RNF180: variants seen among roughly 807,000 people sequenced by gnomAD.
The protein encoded by RNF180 is E3 ubiquitin-protein ligase RNF180.
Under a neutral mutation model 59.2 loss-of-function variants are expected in RNF180, and 38 were observed. That is an observed-to-expected ratio of 0.64 (90% CI 0.50 to 0.84). The LOEUF (loss-of-function observed/expected upper bound fraction) is 0.84, where lower values mean the gene tolerates loss of function less well. Ranked by LOEUF, RNF180 falls within the 40% of genes least tolerant of loss-of-function variation. The probability of loss-of-function intolerance (pLI) is 0.00; values close to 1 mark genes in which losing one functional copy is unlikely to be tolerated. For missense variants in RNF180, 705 were observed against 700.9 expected, an observed-to-expected ratio of 1.01 and a Z score of -0.07; for synonymous variants, 262 against 240.3, an observed-to-expected ratio of 1.09 and a Z score of -0.84.
chr5:64,279,907 A>G (rs1246370723), intron 5 of RNF180, among the ~76,000 whole-genome samples: 2 of 152,184 alleles, frequency 1.3e-5, no homozygotes, highest in Admixed American at 6.6e-5. Context: ...AGCCTGGCCA[A>G]CATGGTGAAA....
In RNF180 at chr5:64,293,010, C is replaced by T. The variant is rs185209074; in HGVS notation, c.1228-32176C>T. Among the ~76,000 whole-genome samples the T allele has an allele frequency of 2.7e-3, 417 of 152,312 alleles. 2 individuals are homozygous for T. Among genetic ancestry groups the T allele is most frequent in the Middle Eastern group, 6.8e-3 (2 of 294 alleles). On this transcript the variant is annotated intron_variant, in intron 5 of 7. Coordinates refer to ENST00000389100, the MANE Select transcript of RNF180 (RefSeq NM_001113561.2). The stretch of plus-strand genomic sequence containing the variant: ...TGGAACAGCAGAGTCCACCTAACCA[C>T]AGAAATGGTGGTCCCTCCTCACCCT...
chr5:64,285,507 G>A (rs979777304), intron 5 of RNF180, among the ~76,000 whole-genome samples: 9 of 152,100 alleles, frequency 5.9e-5, no homozygotes, highest in Admixed American at 4.6e-4. Flanking sequence ...AGGTTGCAGT[G>A]GGGGTAGACC....
chr5:64,233,477 T>C (rs149504231), intron 5 of RNF180, among the ~76,000 whole-genome samples: 69 of 152,316 alleles, frequency 4.5e-4, no homozygotes, highest in African/African-American at 1.2e-3. Flanking sequence ...AGAAACATAA[T>C]TACAAATGAC....
At chr5:64,166,481 C>A (rs1042189129) in intron 1 of RNF180, among the ~76,000 whole-genome samples, 1 of 152,188 alleles carries the variant, frequency 6.6e-6, no homozygotes, top group Non-Finnish European at 1.5e-5. Context: ...GCCTTGGGTC[C>A]GGAGTGTACG....
intron 5 of RNF180, among the ~76,000 whole-genome samples, chr5:64,248,887 A>G (rs141005863): frequency 6.6e-6 from 1 of 152,342 alleles, no homozygotes; most frequent in African/African-American, 2.4e-5. Context: ...GGATAAAGAA[A>G]ATGTGGCACA....
chr5:64,175,966 T>C (rs1343225783), intron 1 of RNF180, among the ~76,000 whole-genome samples: 1 of 152,218 alleles, frequency 6.6e-6, no homozygotes, highest in Admixed American at 6.5e-5. Flanking sequence ...CTTACAACTT[T>C]ACTGAATTTG....
At chr5:64,191,761 G>T (rs977650107) in intron 1 of RNF180, among the ~76,000 whole-genome samples, 2 of 152,068 alleles carry the variant, frequency 1.3e-5, no homozygotes, top group Non-Finnish European at 2.9e-5. Context: ...TCACTCTGTT[G>T]ATTGTTTCCT....
At chr5:64,222,288 TG>T (rs1741386578) in intron 5 of RNF180, among the ~76,000 whole-genome samples, 1 of 149,460 alleles carries the variant, frequency 6.7e-6, no homozygotes, top group African/African-American at 2.5e-5. Context: ...CTTCCAGCTA[TG>T]TTTTTTTTTA....
intron 1 of RNF180, among the ~76,000 whole-genome samples, chr5:64,193,985 G>A (rs1241145566): frequency 1.3e-5 from 2 of 152,090 alleles, no homozygotes; most frequent in Non-Finnish European, 2.9e-5. Flanking sequence ...AAGGAAGAGA[G>A]ACACACTTTA....
In RNF180 at chr5:64,255,025, A is replaced by G. The variant is rs559505101; in HGVS notation, c.1227+37629A>G. Among the ~76,000 whole-genome samples, 23 of 151,912 alleles carry G rather than the reference A, an allele frequency of 1.5e-4. No individual in the cohort carries two copies. The South Asian group carries it at 4.6e-3, about 30-fold the overall frequency. ...ACATTCTCCATATTTCTAAAGAAAGATCACAATTGTTTTGAACTAACTTTC... is the reference window on the plus strand; with the variant it reads ...ACATTCTCCATATTTCTAAAGAAAGGTCACAATTGTTTTGAACTAACTTTC... On this transcript the variant is annotated intron_variant, in intron 5 of 7. Coordinates refer to ENST00000389100, the MANE Select transcript of RNF180 (RefSeq NM_001113561.2).
At chr5:64,291,970 T>A (rs1245050180) in intron 5 of RNF180, among the ~76,000 whole-genome samples, 1 of 152,210 alleles carries the variant, frequency 6.6e-6, no homozygotes, top group Non-Finnish European at 1.5e-5. Flanking sequence ...TATGTTTTTT[T>A]AGCTCCATCA....
chr5:64,267,599 G>A (rs1380702252), intron 5 of RNF180, among the ~76,000 whole-genome samples: 1 of 151,480 alleles, frequency 6.6e-6, no homozygotes, highest in East Asian at 1.9e-4. Flanking sequence ...GAGAATATGC[G>A]GTGTTTGGTT....
chr5:64,340,842 T>C (rs1030451210), intron 7 of RNF180, among the ~76,000 whole-genome samples: 1 of 152,180 alleles, frequency 6.6e-6, no homozygotes, highest in East Asian at 1.9e-4. Flanking sequence ...ATGCAAATTG[T>C]ACATTTTGTT....
intron 5 of RNF180, among the ~76,000 whole-genome samples, chr5:64,222,465 A>T (rs1262586757): frequency 1.3e-5 from 2 of 152,200 alleles, no homozygotes; most frequent in African/African-American, 4.8e-5. Context: ...TCTGGAGGAA[A>T]CCAGGTGCAA....
intron 7 of RNF180, among the ~76,000 whole-genome samples, chr5:64,345,177 C>G (rs1745507877): frequency 6.6e-6 from 1 of 152,170 alleles, no homozygotes; most frequent in African/African-American, 2.4e-5. Context: ...CAACACTCTT[C>G]TAATTTAGGA....
At chr5:64,266,647 A>C (rs1744695779) in intron 5 of RNF180, among the ~76,000 whole-genome samples, 1 of 152,194 alleles carries the variant, frequency 6.6e-6, no homozygotes, top group African/African-American at 2.4e-5. Context: ...TTTATGCTAC[A>C]AGTTTAACTG....
chr5:64,287,265 C>T (rs188778105), intron 5 of RNF180, among the ~76,000 whole-genome samples: 134 of 152,148 alleles, frequency 8.8e-4, no homozygotes, highest in African/African-American at 2.9e-3. Context: ...GTGCCTAGTC[C>T]GAATTTATTT....
chr5:64,360,476 C>T (rs1225515166), intron 7 of RNF180, among the ~76,000 whole-genome samples: 1 of 151,748 alleles, frequency 6.6e-6, no homozygotes, highest in Non-Finnish European at 1.5e-5. Context: ...AAACTGGAAG[C>T]ATTCCCTTTG....
At chr5:64,359,555 G>A (rs1294391588) in intron 7 of RNF180, among the ~76,000 whole-genome samples, 1 of 151,764 alleles carries the variant, frequency 6.6e-6, no homozygotes, top group Non-Finnish European at 1.5e-5. Context: ...AGATGAGTAG[G>A]TTGTGAAAAT....
Sources: gnomAD v4.1 joint callset for allele counts (sites outside exome capture counted in the v4.1 genomes callset) on GRCh38, gnomAD v4.1.1 for gene constraint, MANE v1.5 for transcripts, NCBI Gene and HGNC (gene_info 2026-07-23, HGNC 2026-07-21) for gene names.